Variants in CRACD observed in about 807,000 individuals in gnomAD.
The protein encoded by CRACD is capping protein inhibiting regulator of actin dynamics.
A neutral mutation model predicts 106.8 loss-of-function variants in CRACD; 56 were observed. That is an observed-to-expected ratio of 0.52 (90% CI 0.42 to 0.66). CRACD has a LOEUF of 0.66. Ranked by LOEUF, CRACD falls within the 30% of genes least tolerant of loss-of-function variation. The pLI is 0.00. For synonymous variants in CRACD, 754 were observed against 670.8 expected (o/e 1.12, Z -1.92); for missense variants, 1,730 against 1,623.2 (o/e 1.07, Z -1.13).
intron 1 of CRACD, among the ~76,000 whole-genome samples, chr4:56,117,523 G>A (rs564463694): frequency 1.3e-5 from 2 of 151,808 alleles, no homozygotes; most frequent in South Asian, 2.1e-4. Flanking sequence ...AGGAGGGGGT[G>A]GGGGGAGGAA....
chr4:56,254,738 G>C (rs1217269981), intron 2 of CRACD, among the ~76,000 whole-genome samples: 2 of 151,810 alleles, frequency 1.3e-5, no homozygotes, highest in African/African-American at 4.8e-5. Flanking sequence ...ACTCCAGCAT[G>C]GTTTGAGAAT....
rs765942187 is a variant in CRACD, at chr4:56,316,434, T to C, written c.2932T>C (p.Ser978Pro). Residue 978 changes from serine to proline, a missense_variant, in exon 8 of 11, where the codon TCC becomes CCC. By Grantham distance (74) the Ser-to-Pro change is moderately conservative. Transcript: ENST00000682029. Reference sequence around the variant, plus strand: ...TCAGACCCCACCAGCATCCCCACTTTCCAAACTGAGCAGGCCCTACTTGGT... The same window carrying C: ...TCAGACCCCACCAGCATCCCCACTTCCCAAACTGAGCAGGCCCTACTTGGT... ...TSQTPPASPL[S>P]KLSRPYLVEL... 1 of 1,614,006 alleles carries C rather than the reference T, an allele frequency of 6.2e-7. No individual in the cohort carries two copies. The highest frequency in any genetic ancestry group is 1.1e-5 in the South Asian group (1 of 91,082).
chr4:56,190,724 C>A (rs1737332018), intron 2 of CRACD, among the ~76,000 whole-genome samples: 2 of 152,064 alleles, frequency 1.3e-5, no homozygotes, highest in Admixed American at 6.6e-5. Flanking sequence ...GCACATGGTG[C>A]AAGCTGTCTG....
chr4:56,316,735 A>G (rs73159954), intron 8 of CRACD, 46 bp downstream of exon 8: 90,098 of 1,560,404 alleles, frequency 0.058, 3,496 homozygotes, highest in East Asian at 0.21. Context: ...GAGGTGTCAG[A>G]GCCAGGGCAT....
rs1003682453 is a variant in CRACD, at chr4:56,330,202, T to C, written c.*2398T>C. Among the ~76,000 whole-genome samples, 1 of 152,088 alleles carries C rather than the reference T, an allele frequency of 6.6e-6. No homozygotes were observed. Among genetic ancestry groups the C allele is most frequent in the Non-Finnish European group, 1.5e-5 (1 of 68,004 alleles). ...TGTTAAATGCAAACTTTTTTTTTTT[T>C]TTATTTAAACAAACATACACTTCTC... is the stretch of plus-strand genomic sequence containing the variant. On this transcript the variant is annotated 3_prime_UTR_variant, in exon 11 of 11. Coordinates refer to ENST00000682029, the MANE Select transcript of CRACD (RefSeq NM_001393381.1).
At chr4:56,072,617 T>G (rs557204824) in intron 1 of CRACD, among the ~76,000 whole-genome samples, 4 of 152,134 alleles carry the variant, frequency 2.6e-5, no homozygotes, top group African/African-American at 9.7e-5. Context: ...TCTTTTTTTT[T>G]AAGTATTCTT....
At chr4:56,302,725 TA>T (rs1375126486) in intron 4 of CRACD, among the ~76,000 whole-genome samples, 2 of 152,234 alleles carry the variant, frequency 1.3e-5, no homozygotes, top group African/African-American at 4.8e-5. Context: ...TTTACTTATT[TA>T]TTTTTTTCTG....
At chr4:56,317,216 A>G (rs902099951) in intron 8 of CRACD, among the ~76,000 whole-genome samples, 3 of 152,336 alleles carry the variant, frequency 2.0e-5, no homozygotes, top group Admixed American at 6.5e-5. Context: ...GCCTCTGTCC[A>G]GCTCATTGAC....
At chr4:56,317,238 T>C (rs1465003290) in intron 8 of CRACD, among the ~76,000 whole-genome samples, 1 of 152,192 alleles carries the variant, frequency 6.6e-6, no homozygotes, top group Non-Finnish European at 1.5e-5. Flanking sequence ...ACGTCACTGC[T>C]AGAACCAGAA....
chr4:56,093,065 T>C (rs1203096433), intron 1 of CRACD, among the ~76,000 whole-genome samples: 2 of 152,206 alleles, frequency 1.3e-5, no homozygotes, highest in Non-Finnish European at 2.9e-5. Flanking sequence ...ATCCACTACT[T>C]ACTGGAGTTT....
At chr4:56,287,280 A>G (rs1003183760) in intron 3 of CRACD, among the ~76,000 whole-genome samples, 2 of 138,384 alleles carry the variant, frequency 1.4e-5, no homozygotes, top group African/African-American at 5.1e-5. Flanking sequence ...GTGCAGCACT[A>G]TACTTGGCTA....
chr4:56,270,295 A>G (rs1742274957), intron 2 of CRACD, among the ~76,000 whole-genome samples: 1 of 151,456 alleles, frequency 6.6e-6, no homozygotes, highest in South Asian at 2.1e-4. Context: ...GGCTCAAATG[A>G]TCCTCCCACC....
intron 2 of CRACD, among the ~76,000 whole-genome samples, chr4:56,220,951 G>A (rs558090541): frequency 6.6e-6 from 1 of 152,202 alleles, no homozygotes; most frequent in Non-Finnish European, 1.5e-5. Flanking sequence ...GTGAAAAGAA[G>A]GTCCAGGTAG....
At chr4:56,092,342 T>G (rs1218376698) in intron 1 of CRACD, among the ~76,000 whole-genome samples, 1 of 152,196 alleles carries the variant, frequency 6.6e-6, no homozygotes, top group East Asian at 1.9e-4. Flanking sequence ...GTCCTTTTGC[T>G]TATGGGAGTC....
At chr4:56,223,754 T>C (rs1739165212) in intron 2 of CRACD, among the ~76,000 whole-genome samples, 1 of 152,224 alleles carries the variant, frequency 6.6e-6, no homozygotes. Context: ...TAATTGTTAC[T>C]GTTACTATCT....
intron 1 of CRACD, among the ~76,000 whole-genome samples, chr4:56,076,083 A>G (rs948377872): frequency 6.6e-6 from 1 of 152,192 alleles, no homozygotes; most frequent in African/African-American, 2.4e-5. Flanking sequence ...ATTTGGAGAT[A>G]GGGCCTTTAA....
At chr4:56,155,838 G>T (rs1178962065) in intron 1 of CRACD, among the ~76,000 whole-genome samples, 1 of 152,168 alleles carries the variant, frequency 6.6e-6, no homozygotes, top group East Asian at 1.9e-4. Flanking sequence ...GATACTAATT[G>T]TGATAACTAG....
intron 1 of CRACD, among the ~76,000 whole-genome samples, chr4:56,107,657 C>G (rs1307627004): frequency 2.6e-5 from 4 of 152,172 alleles, no homozygotes; most frequent in African/African-American, 9.7e-5. Flanking sequence ...GAAGGTAGAG[C>G]TGCTTCTTCA....
chr4:56,202,011 G>A (rs183653603), intron 2 of CRACD, among the ~76,000 whole-genome samples: 2 of 152,294 alleles, frequency 1.3e-5, no homozygotes, highest in Non-Finnish European at 2.9e-5. Flanking sequence ...GATACAGATG[G>A]CCCTTAAAAA....
Sources: gnomAD v4.1 joint callset for allele counts (sites outside exome capture counted in the v4.1 genomes callset) on GRCh38, gnomAD v4.1.1 for gene constraint, MANE v1.5 for transcripts, NCBI Gene and HGNC (gene_info 2026-07-23, HGNC 2026-07-21) for gene names.